PLOD3: variants seen among roughly 807,000 people sequenced by gnomAD.
The protein encoded by PLOD3 is procollagen-lysine,2-oxoglutarate 5-dioxygenase 3.
Under a neutral mutation model 96.9 loss-of-function variants are expected in PLOD3, and 73 were observed. The observed-to-expected ratio is 0.75, with a 90% CI of 0.62 to 0.92. The LOEUF (loss-of-function observed/expected upper bound fraction) is 0.92, where lower values mean the gene tolerates loss of function less well. Among genes scored for constraint, PLOD3 ranks in the 40% least tolerant of loss-of-function variants. The pLI is 0.00. For synonymous variants in PLOD3, 454 were observed against 413.7 expected (o/e 1.10, Z -1.18); for missense variants, 1,004 against 1,004.3 (o/e 1.00, Z 0.00).
At position 101,217,430 on chromosome 7, in the gene PLOD3, G is replaced by A. The variant is rs1798297397; in HGVS notation, c.-156C>T. 6 of 671,734 alleles carry A rather than the reference G, an allele frequency of 8.9e-6. No individual in the cohort carries two copies. The East Asian group carries it at 2.0e-4, about 22-fold the overall frequency. 41.6% of individuals were successfully genotyped at this position (671,734 alleles called of 1,614,324 possible). On this transcript the variant is annotated 5_prime_UTR_variant, in exon 1 of 19. Coordinates refer to ENST00000223127, the MANE Select transcript of PLOD3 (RefSeq NM_001084.5). Reference sequence around the variant, plus strand: ...GCTGGGGCTACGCCCTGAAAAAAAGGCGTATCCGGAGGCTACAGAAAGCTC... The same window carrying A: ...GCTGGGGCTACGCCCTGAAAAAAAGACGTATCCGGAGGCTACAGAAAGCTC...
rs768681053 is a variant in PLOD3 at position 101,206,340 on chromosome 7, C to G, written c.2158G>C (p.Glu720Gln). Residue 720 changes from glutamate (E) to glutamine (Q), a missense_variant, in exon 19 of 19, where the codon GAG becomes CAG. Transcript: ENST00000223127. The stretch of plus-strand genomic sequence containing the variant: ...GTGCCCCAGGTCGTTGGCAGCCCCT[C>G]GTGGTAGTGGGTGAGGCGGCCGGGG... ...LHPGRLTHYH[E>Q]GLPTTWGTRY... The G allele has an allele frequency of 6.2e-7, 1 of 1,613,960 alleles. No individual in the cohort carries two copies. The highest frequency in any genetic ancestry group is 8.5e-7 in the Non-Finnish European group (1 of 1,179,906).
In PLOD3 at chr7:101,207,567, G is replaced by A. The variant is rs1458385899; in HGVS notation, c.1935+11C>T. 6.2e-7 allele frequency: 1 copy of A among 1,612,664 alleles called. No individual in the cohort carries two copies. The highest frequency in any genetic ancestry group is 8.5e-7 in the Non-Finnish European group (1 of 1,178,808). ...GAAGGTGGGGAGGCAGCTGGCAGGTGGGCAGCGCACCTTGGTGTGGTAACC... is the reference window on the plus strand; with the variant it reads ...GAAGGTGGGGAGGCAGCTGGCAGGTAGGCAGCGCACCTTGGTGTGGTAACC... On this transcript the variant is annotated intron_variant, in intron 17 of 18. Transcript: ENST00000223127.
intron 1 of PLOD3, 106 bp downstream of exon 1, chr7:101,217,060 G>C (rs1029299065): frequency 1.6e-6 from 2 of 1,229,680 alleles, no homozygotes; most frequent in Non-Finnish European, 2.2e-6. Flanking sequence ...CGCTGGGCGG[G>C]GGACGGGCCA....
rs755705943 is a variant in PLOD3 at position 101,216,550 on chromosome 7, T to TG, written c.202-5dup. ...ACTCCTCTCCCAGGCCCAGGGTCTG[T>TG]GGAGAAGATTGCCCCGTGCCAGGCA... On this transcript the variant is annotated splice_polypyrimidine_tract_variant and splice_region_variant and intron_variant, in intron 2 of 18. Transcript: ENST00000223127. 1.9e-6 allele frequency: 3 copies of TG among 1,613,918 alleles called. No homozygotes were observed. The highest frequency in any genetic ancestry group is 4.5e-5 in the East Asian group (2 of 44,858).
At chr7:101,212,108 A>G (rs1057259066) in intron 10 of PLOD3, 145 bp downstream of exon 10, 4 of 1,177,186 alleles carry the variant, frequency 3.4e-6, no homozygotes, top group Middle Eastern at 2.8e-4. Context: ...CAGGAGTGAC[A>G]GCATGGGGGC....
intron 10 of PLOD3, 49 bp downstream of exon 10, chr7:101,212,204 G>A (rs201620152): frequency 6.2e-6 from 10 of 1,604,536 alleles, no homozygotes; most frequent in African/African-American, 5.3e-5. Flanking sequence ...CAGCACCCCT[G>A]ACCCTACAGC....
rs528126946 is a variant in PLOD3, at chr7:101,210,745, C to T, written c.1359-72G>A. ...TTCTGCCCAGCTCATCCCGGGAAGTCCTTCTTCCCTCAGGGTATCCCAGTC... is the reference window on the plus strand; with the variant it reads ...TTCTGCCCAGCTCATCCCGGGAAGTTCTTCTTCCCTCAGGGTATCCCAGTC... On this transcript the variant is annotated intron_variant, in intron 12 of 18. Transcript: ENST00000223127. The T allele has an allele frequency of 4.5e-6, 7 of 1,554,624 alleles. No individual in the cohort carries two copies. The South Asian group carries it at 6.8e-5, about 15-fold the overall frequency.
chr7:101,216,047 C>T (rs762287160), intron 4 of PLOD3, 27 bp from the exon 5 acceptor site: 21 of 1,608,868 alleles, frequency 1.3e-5, no homozygotes, highest in Non-Finnish European at 1.6e-5. Context: ...GTGTTGACCT[C>T]GAGACTCCCA....
chr7:101,217,548 G>C lies in PLOD3; in HGVS notation c.-274C>G, dbSNP rs1309778669. ...GCTCGGGCCGGCGGGCGGGAGACAG[G>C]GACTCTGGGCTGAGCCAGCCGCTTG... On this transcript the variant is annotated 5_prime_UTR_variant, in exon 1 of 19. Transcript: ENST00000223127. 1 of 474,784 alleles carries C rather than the reference G, an allele frequency of 2.1e-6. No individual in the cohort carries two copies. Among genetic ancestry groups the C allele is most frequent in the African/African-American group, 2.1e-5 (1 of 48,512 alleles). The allele number at this position is 474,784 out of a possible 1,614,324, so 29.4% of individuals were successfully genotyped here. A position where few individuals can be genotyped will look rare whatever the true frequency, so the allele number is the denominator to read the frequency against.
Position 101,210,685 on chromosome 7 carries a change from G to A in PLOD3, c.1359-12C>T, listed in dbSNP as rs750609560. On this transcript the variant is annotated splice_polypyrimidine_tract_variant and intron_variant, in intron 12 of 18. Transcript: ENST00000223127. ...CATTCCACACACCCCTGGAGGCACC[G>A]ACACCGCGGTCAGCTGGGAGGACAG... 3.8e-5 allele frequency: 62 copies of A among 1,613,100 alleles called. No homozygotes were observed. Among genetic ancestry groups the A allele is most frequent in the Non-Finnish European group, 4.5e-5 (53 of 1,179,686 alleles).
In PLOD3 at chr7:101,212,523, G is replaced by T; in HGVS notation, c.1005+7C>A. 6.2e-7 allele frequency: 1 copy of T among 1,613,650 alleles called. No homozygotes were observed. Among genetic ancestry groups the T allele is most frequent in the East Asian group, 2.2e-5 (1 of 44,848 alleles). On this transcript the variant is annotated splice_region_variant and intron_variant, in intron 9 of 18. Coordinates refer to ENST00000223127, the MANE Select transcript of PLOD3 (RefSeq NM_001084.5). ...CCTCAGGAGAGGCTCCAACAGGGGA[G>T]TCTCACGTTGTTGTGCAGGAAAAGG...
Sources: gnomAD v4.1 joint callset for allele counts on GRCh38, gnomAD v4.1.1 for gene constraint, MANE v1.5 for transcripts, NCBI Gene and HGNC (gene_info 2026-07-23, HGNC 2026-07-21) for gene names.